The following DLGAP2 variants were observed in gnomAD, a reference collection of about 807,000 sequenced individuals.
DLGAP2 encodes disks large-associated protein 2.
DLGAP2 carries 26 observed loss-of-function variants against 100.3 expected under a neutral mutation model. The ratio of observed to expected loss-of-function variants is 0.26; its 90% confidence interval spans 0.19 to 0.36. The LOEUF (loss-of-function observed/expected upper bound fraction) is 0.36. Among genes scored for constraint, DLGAP2 ranks in the 10% least tolerant of loss-of-function variants. The pLI, the probability that DLGAP2 is intolerant of heterozygous loss-of-function variation, is 1.00. For synonymous variants in DLGAP2, 886 were observed against 630.1 expected, an observed-to-expected ratio of 1.41 and a Z score of -6.08; for missense variants, 1,858 against 1,453.2, an observed-to-expected ratio of 1.28 and a Z score of -4.53.
At chr8:1,337,429 A>T (rs867344325) in intron 3 of DLGAP2, among the ~76,000 whole-genome samples, 1 of 616 alleles carries the variant, frequency 1.6e-3, no homozygotes, top group Non-Finnish European at 3.7e-3. Context: ...GATGATGGTG[A>T]TGGTGATGAT....
Position 1,697,270 on chromosome 8 carries a change from T to C in DLGAP2, c.2920T>C (p.Trp974Arg). 6.2e-7 allele frequency: 1 copy of C among 1,608,748 alleles called. No individual in the cohort carries two copies. Among genetic ancestry groups the C allele is most frequent in the Non-Finnish European group, 8.5e-7 (1 of 1,177,106 alleles). ...DELQRLRLND[W>R]KMMESPERKE... ...GCTGCAGCGGCTGCGGCTCAACGAC[T>C]GGAAGATGATGGAGTCCCCGGAAAG... The change falls in exon 14 of 15, where the codon TGG becomes CGG. Residue 974 changes from tryptophan to arginine, a missense_variant. By Grantham distance (101) the Trp-to-Arg change is moderately radical. Transcript: ENST00000637795.
chr8:1,272,493 C>T (rs990507270), intron 3 of DLGAP2, among the ~76,000 whole-genome samples: 4 of 151,824 alleles, frequency 2.6e-5, no homozygotes, highest in Non-Finnish European at 5.9e-5. Flanking sequence ...TACACATAAA[C>T]GTTTTATATA....
chr8:1,280,508 AG>A (rs1799794437), intron 3 of DLGAP2, among the ~76,000 whole-genome samples: 1 of 152,194 alleles, frequency 6.6e-6, no homozygotes, highest in African/African-American at 2.4e-5. Flanking sequence ...AAAAGGTAAT[AG>A]TTTGGGGGTC....
intron 3 of DLGAP2, among the ~76,000 whole-genome samples, chr8:1,389,234 T>A (rs983388501): frequency 6.8e-6 from 1 of 148,122 alleles, no homozygotes; most frequent in Non-Finnish European, 1.5e-5. Flanking sequence ...AGCGGTACTC[T>A]GGAGGAGGAG....
At chr8:1,522,092 C>CA (rs1800623906) in intron 4 of DLGAP2, among the ~76,000 whole-genome samples, 1 of 151,262 alleles carries the variant, frequency 6.6e-6, no homozygotes, top group African/African-American at 2.4e-5. Flanking sequence ...TTTGGGGTGT[C>CA]TCTGGTTTGC....
At chr8:1,687,499 G>T (rs553304637) in intron 12 of DLGAP2, among the ~76,000 whole-genome samples, 1 of 152,228 alleles carries the variant, frequency 6.6e-6, no homozygotes, top group South Asian at 2.1e-4. Context: ...TTACATTATA[G>T]GCATCAGATA....
chr8:1,304,633 G>A (rs1424435808), intron 3 of DLGAP2, among the ~76,000 whole-genome samples: 1 of 152,106 alleles, frequency 6.6e-6, no homozygotes, highest in Non-Finnish European at 1.5e-5. Context: ...AAATTTATAT[G>A]GCTACACCTT....
chr8:786,916 A>G (rs924268782), intron 1 of DLGAP2, among the ~76,000 whole-genome samples: 1 of 152,074 alleles, frequency 6.6e-6, no homozygotes, highest in Non-Finnish European at 1.5e-5. Context: ...CTAAGATGAG[A>G]TGCCTCAAAA....
chr8:1,449,650 C>A (rs1158088649), intron 3 of DLGAP2, among the ~76,000 whole-genome samples: 1 of 152,190 alleles, frequency 6.6e-6, no homozygotes, highest in Non-Finnish European at 1.5e-5. Flanking sequence ...CCCTGGGCCA[C>A]ACTTGGAAAG....
intron 3 of DLGAP2, among the ~76,000 whole-genome samples, chr8:1,272,066 T>C (rs972543650): frequency 2.6e-5 from 4 of 152,180 alleles, no homozygotes; most frequent in Non-Finnish European, 5.9e-5. Flanking sequence ...TCCGCCTGCC[T>C]CAGGCTCCCA....
chr8:1,010,057 C>T (rs538288403), intron 2 of DLGAP2, among the ~76,000 whole-genome samples: 315 of 152,312 alleles, frequency 2.1e-3, no homozygotes, highest in Non-Finnish European at 3.8e-3. Flanking sequence ...CTTTTAATAT[C>T]GTGGTATCAG....
chr8:1,287,150 G>GTGCGCGCGCGCGCGCGCGTGGT (rs1799939979), intron 3 of DLGAP2, among the ~76,000 whole-genome samples: 1 of 131,964 alleles, frequency 7.6e-6, no homozygotes, highest in African/African-American at 2.7e-5. Flanking sequence ...GTGTGTGTGT[G>GTGCGCGCGCGCGCGCGCGTGGT]TGTGTGTGCG....
chr8:931,709 C>G (rs958436342), intron 2 of DLGAP2, among the ~76,000 whole-genome samples: 6 of 152,180 alleles, frequency 3.9e-5, no homozygotes, highest in African/African-American at 1.4e-4. Flanking sequence ...TGGCTCCCAG[C>G]CCTTCTTACT....
intron 2 of DLGAP2, among the ~76,000 whole-genome samples, chr8:1,176,156 G>C (rs1029126869): frequency 2.6e-4 from 39 of 152,282 alleles, no homozygotes; most frequent in African/African-American, 8.9e-4. Flanking sequence ...TACAATTGTG[G>C]TGGAAGATGA....
intron 3 of DLGAP2, among the ~76,000 whole-genome samples, chr8:1,370,515 C>G (rs568207195): frequency 5.2e-4 from 79 of 152,308 alleles, no homozygotes; most frequent in Non-Finnish European, 9.4e-4. Flanking sequence ...ACTTAAGTAA[C>G]AAGTCACATT....
chr8:893,858 C>T (rs1369288946), intron 1 of DLGAP2, among the ~76,000 whole-genome samples: 1 of 152,252 alleles, frequency 6.6e-6, no homozygotes. Context: ...AGCCCCTCCT[C>T]TTGCTGTGAC....
At chr8:765,781 G>A (rs1413433209) in intron 1 of DLGAP2, among the ~76,000 whole-genome samples, 1 of 152,188 alleles carries the variant, frequency 6.6e-6, no homozygotes, top group South Asian at 2.1e-4. Context: ...GTACACACAT[G>A]CATGTACACA....
chr8:1,063,521 C>CTTTTTTTTTT (rs34456280), intron 2 of DLGAP2, among the ~76,000 whole-genome samples: 1 of 111,384 alleles, frequency 9.0e-6, no homozygotes. Flanking sequence ...AGTATACTGG[C>CTTTTTTTTTT]TTTTTTTTTT....
intron 4 of DLGAP2, among the ~76,000 whole-genome samples, chr8:1,534,071 T>A (rs1417775656): frequency 6.6e-6 from 1 of 152,220 alleles, no homozygotes; most frequent in Non-Finnish European, 1.5e-5. Flanking sequence ...GATATATACA[T>A]TTGGAAATTG....
Sources: gnomAD v4.1 joint callset for allele counts (sites outside exome capture counted in the v4.1 genomes callset) on GRCh38, gnomAD v4.1.1 for gene constraint, MANE v1.5 for transcripts, NCBI Gene and HGNC (gene_info 2026-07-23, HGNC 2026-07-21) for gene names.